The following YRDC variants were observed in gnomAD, a reference collection of about 807,000 sequenced individuals.
The protein encoded by YRDC is yrdC N6-threonylcarbamoyltransferase domain containing.
YRDC carries 17 observed loss-of-function variants against 21.5 expected under a neutral mutation model. The observed-to-expected ratio is 0.79, with a 90% confidence interval of 0.54 to 1.19. The LOEUF is 1.19. Ranked by LOEUF, YRDC falls within the 50% of genes most tolerant of loss-of-function variation. The probability of loss-of-function intolerance (pLI) is 0.00; values close to 1 mark genes in which losing one functional copy is unlikely to be tolerated. For synonymous variants in YRDC, 193 were observed against 176.7 expected, an observed-to-expected ratio of 1.09 and a Z score of -0.73; for missense variants, 380 against 397.1, an observed-to-expected ratio of 0.96 and a Z score of 0.37.
Position 37,807,164 on chromosome 1 carries a change from T to G in YRDC, c.441A>C (p.Gly147=), listed in dbSNP as rs1212769235. The G allele has an allele frequency of 1.9e-6, 3 of 1,614,010 alleles. No individual in the cohort carries two copies. The highest frequency in any genetic ancestry group is 2.5e-6 in the Non-Finnish European group (3 of 1,180,038). The change falls in exon 2 of 5, where the codon GGA becomes GGC. Residue 147 remains glycine, a synonymous_variant. Coordinates refer to ENST00000373044, the MANE Select transcript of YRDC (RefSeq NM_024640.4). ...PEGLLKDLLP[G]PVTLVMERSE... ...AGCGTTCCATCACCAGGGTCACTGG[T>G]CCTGGCAGTAGGTCTTTCAGGAGCC...
Position 37,808,130 on chromosome 1 carries a change from G to A in YRDC, c.51C>T (p.Ser17=), listed in dbSNP as rs1234288606. 13 of 1,468,762 alleles carry A rather than the reference G, an allele frequency of 8.9e-6. No homozygotes were observed. Among genetic ancestry groups the A allele is most frequent in the East Asian group, 3.0e-5 (1 of 33,232 alleles). The allele number at this position is 1,468,762 out of a possible 1,614,324, so 91.0% of individuals were successfully genotyped here. ...CRGMRAAVAA[S]VGLSEGPAGS... is the part of the protein sequence containing the mutation. ...CAGCAGGCCCCTCGCTCAACCCCAC[G>A]CTGGCAGCCACCGCGGCCCTCATCC... is the stretch of plus-strand genomic sequence containing the variant. Residue 17 remains serine, a synonymous_variant, in exon 1 of 5, where the codon AGC becomes AGT. Transcript: ENST00000373044.
In YRDC at chr1:37,807,962, G is replaced by T; in HGVS notation, c.219C>A (p.Ala73=). The T allele has an allele frequency of 8.2e-7, 1 of 1,220,888 alleles. No homozygotes were observed. Among genetic ancestry groups the T allele is most frequent in the East Asian group, 3.3e-5 (1 of 30,668 alleles). The allele number at this position is 1,220,888 out of a possible 1,614,324, so 75.6% of individuals were successfully genotyped here. A position where few individuals can be genotyped will look rare whatever the true frequency, so the allele number is the denominator to read the frequency against. ...RAGWTEALRA[A]VAELRAGAVV... is the part of the protein sequence containing the mutation. ...CGGCGCCGGCGCGCAGCTCGGCCAC[G>T]GCGGCCCGCAGCGCCTCGGTCCAGC... The change falls in exon 1 of 5, where the codon GCC becomes GCA. Residue 73 remains alanine, a synonymous_variant. Coordinates refer to ENST00000373044, the MANE Select transcript of YRDC (RefSeq NM_024640.4).
In YRDC at chr1:37,808,071, C is replaced by G. The variant is rs894010524; in HGVS notation, c.110G>C (p.Ser37Thr). ...GGCGCCGGGGGCCGCCGGAGCGGGA[C>G]TCGGCGGGCGGAAGAGGCGACCGCT... ...SRSGRLFRPPSPAPAAPGARL... is the reference protein window; with the variant it reads ...SRSGRLFRPPTPAPAAPGARL... The change falls in exon 1 of 5, where the codon AGT (serine) becomes ACT (threonine). Residue 37 changes from serine (S) to threonine (T), a missense_variant. By Grantham distance (58) the Ser-to-Thr change is moderately conservative. Transcript: ENST00000373044. 1.3e-5 allele frequency: 17 copies of G among 1,357,596 alleles called. No individual in the cohort carries two copies. In the African/African-American group the frequency reaches 2.0e-4, roughly 16 times the overall value. The allele number at this position is 1,357,596 out of a possible 1,614,324, so 84.1% of individuals were successfully genotyped here. A position where few individuals can be genotyped will look rare whatever the true frequency, so the allele number is the denominator to read the frequency against.
intron 3 of YRDC, 128 bp from the exon 4 acceptor site, chr1:37,804,572 A>T (rs952263648): frequency 9.1e-6 from 11 of 1,209,504 alleles, no homozygotes; most frequent in Non-Finnish European, 1.2e-5. Context: ...CAGAGAAAGG[A>T]GCTTCATTTA....
chr1:37,807,602 G>T, intron 1 of YRDC, 190 bp downstream of exon 1: 2 of 1,126,430 alleles, frequency 1.8e-6, no homozygotes, highest in Non-Finnish European at 2.4e-6. Flanking sequence ...CTCGTGTGTT[G>T]CTGCTTCCCA....
intron 3 of YRDC, 31 bp from the exon 4 acceptor site, chr1:37,804,475 A>G: frequency 1.2e-6 from 2 of 1,600,078 alleles, no homozygotes; most frequent in Non-Finnish European, 1.7e-6. Context: ...GAGCATGGAC[A>G]CTATCCCTGG....
intron 2 of YRDC, 43 bp from the exon 3 acceptor site, chr1:37,807,019 G>A (rs1041358662): frequency 5.0e-6 from 8 of 1,614,046 alleles, no homozygotes; most frequent in African/African-American, 2.7e-5. Context: ...GGTTGGAAGG[G>A]ATAAGAGGGT....
In YRDC at chr1:37,803,990, C is replaced by G; in HGVS notation, c.775G>C (p.Glu259Gln). 6.2e-7 allele frequency: 1 copy of G among 1,614,164 alleles called. No homozygotes were observed. Among genetic ancestry groups the G allele is most frequent in the Non-Finnish European group, 8.5e-7 (1 of 1,180,034 alleles). The change falls in exon 5 of 5, where the codon GAA becomes CAA. Residue 259 changes from glutamate to glutamine, a missense_variant. This residue lies in a region of YRDC where 238 missense variants were observed against 236.5 expected (regional missense o/e 1.01). Coordinates refer to ENST00000373044, the MANE Select transcript of YRDC (RefSeq NM_024640.4). ...FGIIRPGCAL[E>Q]STTAILQQKY... ...TGTTGGAGGATGGCTGTAGTACTTT[C>G]CAGGGCACTGAGGAGGAAACAGGAC...
chr1:37,807,661 T>C (rs1646749290), intron 1 of YRDC, 131 bp downstream of exon 1: 2 of 1,339,230 alleles, frequency 1.5e-6, no homozygotes, highest in African/African-American at 3.0e-5. Context: ...CGGTACATAT[T>C]TCCAGTTCCG....
At chr1:37,807,747 TC>T (rs1569827500) in intron 1 of YRDC, 44 bp downstream of exon 1, 3 of 1,433,522 alleles carry the variant, frequency 2.1e-6, no homozygotes, top group Non-Finnish European at 2.7e-6. Context: ...CGGAAACCCC[TC>T]CCGCGGTGCC....
chr1:37,805,970 C>G (rs550974875), intron 3 of YRDC, among the ~76,000 whole-genome samples: 1 of 152,250 alleles, frequency 6.6e-6, no homozygotes, highest in Admixed American at 6.5e-5. Flanking sequence ...TAGCTTATTA[C>G]TACGTTTTAC....
Position 37,807,826 on chromosome 1 carries a change from C to A in YRDC, c.355G>T (p.Ala119Ser). The A allele has an allele frequency of 6.6e-7, 1 of 1,511,590 alleles. No individual in the cohort carries two copies. Among genetic ancestry groups the A allele is most frequent in the Non-Finnish European group, 8.8e-7 (1 of 1,134,938 alleles). The allele number at this position is 1,511,590 out of a possible 1,614,324, so 93.6% of individuals were successfully genotyped here. The part of the protein sequence containing the change: ...LKGRSEAKPL[A>S]VCLGRVADVY... ...TCGGCCACGCGGCCGAGGCATACGG[C>A]CAGAGGCTTGGCCTCGCTGCGACCC... The change falls in exon 1 of 5, where the codon GCC becomes TCC. Residue 119 changes from alanine to serine, a missense_variant. Ala to Ser is a moderately conservative substitution (Grantham distance 99). Around this residue, in one of 3 missense-constraint regions of YRDC, gnomAD observed 238 missense variants for 236.5 expected, o/e 1.01. Transcript: ENST00000373044.
rs1467604382 is a variant in YRDC at position 37,804,490 on chromosome 1, T to G, written c.625-46A>C. ...GAGCATGGACACTATCCCTGGTGTATCCAATAATGTCAAACTGCACGCAGT... is the reference window on the plus strand; with the variant it reads ...GAGCATGGACACTATCCCTGGTGTAGCCAATAATGTCAAACTGCACGCAGT... On this transcript the variant is annotated intron_variant, in intron 3 of 4. Transcript: ENST00000373044. 4 of 1,572,788 alleles carry G rather than the reference T, an allele frequency of 2.5e-6. No homozygotes were observed. In the South Asian group the frequency reaches 4.6e-5, roughly 18 times the overall value.
intron 3 of YRDC, among the ~76,000 whole-genome samples, chr1:37,804,810 C>G (rs913530500): frequency 7.2e-5 from 11 of 152,212 alleles, no homozygotes; most frequent in Non-Finnish European, 1.2e-4. Flanking sequence ...TGACTGCATG[C>G]AAGTTACTCT....
chr1:37,804,327 T>G lies in YRDC; in HGVS notation c.742A>C (p.Lys248Gln), dbSNP rs1316965201. ...CAGCCTGGACGAATGATGCCAAACT[T>G]TCCGGGCACAGACAAATCAACCACA... Reference protein sequence around the residue: ...STVVDLSVPGKFGIIRPGCAL... With the variant: ...STVVDLSVPGQFGIIRPGCAL... Residue 248 changes from lysine (K) to glutamine (Q), a missense_variant, in exon 4 of 5, where the codon AAG becomes CAG. Transcript: ENST00000373044. 5.0e-6 allele frequency: 8 copies of G among 1,613,928 alleles called. No individual in the cohort carries two copies. The highest frequency in any genetic ancestry group is 1.3e-5 in the African/African-American group (1 of 74,906).
At position 37,804,499 on chromosome 1, in the gene YRDC, G is replaced by A. The variant is rs563344847; in HGVS notation, c.625-55C>T. The A allele has an allele frequency of 5.1e-6, 8 of 1,564,354 alleles. No homozygotes were observed. In the East Asian group the frequency reaches 1.6e-4, roughly 31 times the overall value. ...CACTATCCCTGGTGTATCCAATAAT[G>A]TCAAACTGCACGCAGTCATCAAAGG... On this transcript the variant is annotated intron_variant, in intron 3 of 4. Transcript: ENST00000373044.
intron 3 of YRDC, among the ~76,000 whole-genome samples, 192 bp downstream of exon 3, chr1:37,806,665 T>C (rs1025342762): frequency 6.6e-6 from 1 of 152,232 alleles, no homozygotes; most frequent in Non-Finnish European, 1.5e-5. Flanking sequence ...TTTCAGACTT[T>C]GAGATAAAAT....
Position 37,808,118 on chromosome 1 carries a change from G to A in YRDC, c.63C>T (p.Ser21=), listed in dbSNP as rs1017376009. The A allele has an allele frequency of 2.7e-6, 4 of 1,457,842 alleles. No individual in the cohort carries two copies. The highest frequency in any genetic ancestry group is 2.6e-5 in the South Asian group (2 of 76,096). 90.3% of individuals were successfully genotyped at this position (1,457,842 alleles called of 1,614,324 possible). The part of the protein sequence containing the change: ...RAAVAASVGL[S]EGPAGSRSGR... ...CGCTCCGGGAGCCAGCAGGCCCCTC[G>A]CTCAACCCCACGCTGGCAGCCACCG... is the stretch of plus-strand genomic sequence containing the variant. The change falls in exon 1 of 5, where the codon AGC becomes AGT. Residue 21 remains serine, a synonymous_variant. Coordinates refer to ENST00000373044, the MANE Select transcript of YRDC (RefSeq NM_024640.4).
chr1:37,807,613 G>A lies in YRDC; in HGVS notation c.389+179C>T, dbSNP rs991752344. On this transcript the variant is annotated intron_variant, in intron 1 of 4. Coordinates refer to ENST00000373044, the MANE Select transcript of YRDC (RefSeq NM_024640.4). Reference sequence around the variant, plus strand: ...CTTTCTCGTGTGTTGCTGCTTCCCAGCAGCATGTAGTTCAGGGCCCGGGGC... The same window carrying A: ...CTTTCTCGTGTGTTGCTGCTTCCCAACAGCATGTAGTTCAGGGCCCGGGGC... 5.6e-5 allele frequency: 67 copies of A among 1,188,762 alleles called. 1 individual carries two copies. The Middle Eastern group carries it at 2.1e-3, about 37-fold the overall frequency. The allele number at this position is 1,188,762 out of a possible 1,614,324, so 73.6% of individuals were successfully genotyped here. A position where few individuals can be genotyped will look rare whatever the true frequency, so the allele number is the denominator to read the frequency against.
Sources: gnomAD v4.1 joint callset for allele counts (sites outside exome capture counted in the v4.1 genomes callset) on GRCh38, gnomAD v4.1.1 for gene constraint, gnomAD v4.1.1 regional missense constraint, MANE v1.5 for transcripts, NCBI Gene and HGNC (gene_info 2026-07-23, HGNC 2026-07-21) for gene names.